Variants in CNGB3 observed in about 807,000 individuals in gnomAD.
CNGB3 encodes the protein cyclic nucleotide-gated channel beta-3.
A neutral mutation model predicts 92.8 loss-of-function variants in CNGB3; 86 were observed. That is an observed-to-expected ratio of 0.93 (90% CI 0.78 to 1.11). CNGB3 has a LOEUF of 1.11. CNGB3 is among the 50% of genes least tolerant of loss of function. CNGB3 has a pLI of 0.00. For missense variants in CNGB3, 1,026 were observed against 956.8 expected, an observed-to-expected ratio of 1.07 and a Z score of -0.95; for synonymous variants, 333 against 332.7, an observed-to-expected ratio of 1.00 and a Z score of -0.01.
At chr8:86,703,673 G>A (rs1006220098) in intron 3 of CNGB3, among the ~76,000 whole-genome samples, 1 of 152,004 alleles carries the variant, frequency 6.6e-6, no homozygotes, top group Non-Finnish European at 1.5e-5. Flanking sequence ...GCTTTTGTTC[G>A]GCAGCCTGTA....
chr8:86,655,847 A>G (rs1447816138), intron 6 of CNGB3, among the ~76,000 whole-genome samples: 3 of 152,174 alleles, frequency 2.0e-5, no homozygotes, highest in Non-Finnish European at 2.9e-5. Flanking sequence ...TTGGACTTTT[A>G]TGTTTCACTT....
intron 15 of CNGB3, among the ~76,000 whole-genome samples, chr8:86,586,199 TAA>T (rs374733158): frequency 6.6e-6 from 1 of 152,170 alleles, no homozygotes; most frequent in African/African-American, 2.4e-5. Context: ...TCTGGGGCTA[TAA>T]AGATGATTAA....
intron 9 of CNGB3, among the ~76,000 whole-genome samples, chr8:86,644,195 T>C (rs1345664292): frequency 6.6e-6 from 1 of 151,390 alleles, no homozygotes; most frequent in Non-Finnish European, 1.5e-5. Flanking sequence ...TACACTATGC[T>C]AATTTAACTG....
chr8:86,579,298 T>A (rs770784152), intron 15 of CNGB3, 46 bp from the exon 16 acceptor site: 1 of 1,603,482 alleles, frequency 6.2e-7, no homozygotes, highest in South Asian at 1.1e-5. Flanking sequence ...TCAGTTTTCC[T>A]CCACTGAAAT....
chr8:86,576,071 T>C lies in CNGB3; in HGVS notation c.2163A>G (p.Lys721=). 6.2e-6 allele frequency: 10 copies of C among 1,603,054 alleles called. No individual in the cohort carries two copies. Among genetic ancestry groups the C allele is most frequent in the Non-Finnish European group, 8.5e-6 (10 of 1,174,566 alleles). ...EEGKENEDKQ[K]ENEDKQKENE... ...TTTCTTTTTGTTTATCTTCATTTTCTTTTTGTTTATCTTCATTTTCTTTTC... is the reference window on the plus strand; with the variant it reads ...TTTCTTTTTGTTTATCTTCATTTTCCTTTTGTTTATCTTCATTTTCTTTTC... Residue 721 remains lysine, a synonymous_variant, in exon 18 of 18, where the codon AAA becomes AAG. Coordinates refer to ENST00000320005, the MANE Select transcript of CNGB3 (RefSeq NM_019098.5).
chr8:86,616,143 G>T (rs10093381), intron 13 of CNGB3, among the ~76,000 whole-genome samples: 27,790 of 152,028 alleles, frequency 0.18, 2,723 homozygotes, highest in East Asian at 0.33. Context: ...TTCAGCTGAC[G>T]GCTTGGATTT....
In CNGB3 at chr8:86,743,480, A is replaced by C; in HGVS notation, c.129+19T>G. The C allele has an allele frequency of 6.2e-7, 1 of 1,613,864 alleles. No individual in the cohort carries two copies. The highest frequency in any genetic ancestry group is 8.5e-7 in the Non-Finnish European group (1 of 1,179,738). ...AAATGATGAAAATCAAGGCTTGCAT[A>C]GGAATGTAGAGGACATACCTGTGCT... On this transcript the variant is annotated intron_variant, in intron 1 of 17. Coordinates refer to ENST00000320005, the MANE Select transcript of CNGB3 (RefSeq NM_019098.5).
chr8:86,724,638 G>C (rs932111687), intron 3 of CNGB3, among the ~76,000 whole-genome samples: 3 of 152,092 alleles, frequency 2.0e-5, no homozygotes, highest in African/African-American at 7.2e-5. Flanking sequence ...CATATAAAAT[G>C]CATCAGCAAT....
chr8:86,580,720 G>A (rs1332348123), intron 15 of CNGB3, among the ~76,000 whole-genome samples: 8 of 152,214 alleles, frequency 5.3e-5, no homozygotes, highest in Non-Finnish European at 1.5e-5. Flanking sequence ...CGTTACCGGT[G>A]ATCTGAGAAG....
At chr8:86,690,840 G>C (rs564787872) in intron 3 of CNGB3, among the ~76,000 whole-genome samples, 4 of 152,140 alleles carry the variant, frequency 2.6e-5, no homozygotes, top group African/African-American at 7.2e-5. Flanking sequence ...TCTTGTTTTT[G>C]TCAGGTTTGT....
At chr8:86,623,837 C>G (rs1241721126) in intron 13 of CNGB3, among the ~76,000 whole-genome samples, 1 of 152,172 alleles carries the variant, frequency 6.6e-6, no homozygotes, top group African/African-American at 2.4e-5. Flanking sequence ...CTTTCTGTCT[C>G]TTACCCTCTT....
At chr8:86,659,874 G>T in intron 6 of CNGB3, 1 of 429,026 alleles carries the variant, frequency 2.3e-6, no homozygotes, top group Non-Finnish European at 4.6e-6. Flanking sequence ...AGCAGATGAT[G>T]CAGGGCCCTC....
chr8:86,597,365 G>A (rs544892498), intron 15 of CNGB3, among the ~76,000 whole-genome samples: 6 of 152,266 alleles, frequency 3.9e-5, no homozygotes, highest in African/African-American at 1.4e-4. Context: ...AGAACATTTG[G>A]CACAGCCATA....
At chr8:86,718,981 T>C (rs1480374795) in intron 3 of CNGB3, among the ~76,000 whole-genome samples, 1 of 151,890 alleles carries the variant, frequency 6.6e-6, no homozygotes. Flanking sequence ...TGCTTTATGA[T>C]TAAAACCCTC....
chr8:86,656,061 C>T (rs1415499237), intron 6 of CNGB3, among the ~76,000 whole-genome samples: 1 of 152,164 alleles, frequency 6.6e-6, no homozygotes, highest in Non-Finnish European at 1.5e-5. Context: ...AATTTTTACT[C>T]ATATACATGT....
intron 3 of CNGB3, among the ~76,000 whole-genome samples, chr8:86,672,552 T>C (rs1040068321): frequency 1.3e-5 from 2 of 152,182 alleles, no homozygotes; most frequent in South Asian, 2.1e-4. Context: ...TGGGTCTACA[T>C]GAGCCCATGT....
chr8:86,580,500 T>A (rs779038336), intron 15 of CNGB3, among the ~76,000 whole-genome samples: 20 of 152,226 alleles, frequency 1.3e-4, no homozygotes, highest in Non-Finnish European at 2.9e-4. Context: ...TCTCATCTCC[T>A]ACTATACTCC....
At chr8:86,692,517 T>C (rs1193182140) in intron 3 of CNGB3, among the ~76,000 whole-genome samples, 2 of 152,234 alleles carry the variant, frequency 1.3e-5, no homozygotes, top group African/African-American at 4.8e-5. Context: ...TGCTTTAAAG[T>C]CTTTTTTGTC....
intron 6 of CNGB3, among the ~76,000 whole-genome samples, chr8:86,662,715 C>T (rs191206346): frequency 6.6e-6 from 1 of 152,192 alleles, no homozygotes; most frequent in Non-Finnish European, 1.5e-5. Context: ...ACCTGGAATT[C>T]GAACAGTGGG....
Sources: allele counts gnomAD v4.1 joint callset (sites outside exome capture counted in the v4.1 genomes callset), GRCh38; gene constraint gnomAD v4.1.1; transcripts MANE v1.5; gene names NCBI Gene and HGNC (gene_info 2026-07-23, HGNC 2026-07-21).